Variants in PRSS3 observed in about 807,000 individuals in gnomAD.
The protein encoded by PRSS3 is trypsin-3.
PRSS3 carries 14 observed loss-of-function variants against 20.8 expected under a neutral mutation model. The ratio of observed to expected loss-of-function variants is 0.67; its 90% CI spans 0.44 to 1.05. The LOEUF (loss-of-function observed/expected upper bound fraction) is 1.05. Among genes scored for constraint, PRSS3 ranks in the 50% least tolerant of loss-of-function variants. PRSS3 has a pLI of 0.00. For missense variants in PRSS3, 237 were observed against 306.4 expected, an observed-to-expected ratio of 0.77 and a Z score of 1.69; for synonymous variants, 91 against 117.6, an observed-to-expected ratio of 0.77 and a Z score of 1.46.
At chr9:33,792,342 A>C (rs1177895840), upstream of PRSS3, among the ~76,000 whole-genome samples, 1 of 152,176 alleles carries the variant, frequency 6.6e-6, no homozygotes, top group Non-Finnish European at 1.5e-5. Flanking sequence ...AGTGTTAAAA[A>C]AAAAAGAATT....
chr9:33,779,488 A>C (rs1824082662), intron 1 of PRSS3, among the ~76,000 whole-genome samples: 1 of 152,232 alleles, frequency 6.6e-6, no homozygotes, highest in African/African-American at 2.4e-5. Flanking sequence ...ACAGCAGAAC[A>C]GACCAAGCTG....
At chr9:33,795,202 A>G (rs1824848568), upstream of PRSS3, among the ~76,000 whole-genome samples, 2 of 151,956 alleles carry the variant, frequency 1.3e-5, no homozygotes, top group East Asian at 1.9e-4. Flanking sequence ...TACATCCCCA[A>G]TAGTTAAAAG....
rs1362077807 is a variant in PRSS3 at position 33,771,646 on chromosome 9, T to G, written c.-53+20919T>G. The stretch of plus-strand genomic sequence containing the variant: ...TGGGTTTTGTTTTTTTGTTTTTTTG[T>G]TTTTTTTTTTTTTGAGACAGGGTCT... On this transcript the variant is annotated intron_variant, in intron 1 of 5. Transcript: ENST00000342836. Among the ~76,000 whole-genome samples the G allele has an allele frequency of 1.5e-4, 10 of 68,472 alleles. No homozygotes were observed. In the South Asian group the frequency reaches 1.6e-3, roughly 11 times the overall value. 44.9% of individuals were successfully genotyped at this position (68,472 alleles called of 152,430 possible). A position where few individuals can be genotyped will look rare whatever the true frequency, so the allele number is the denominator to read the frequency against.
At chr9:33,762,549 C>G (rs1823251461) in intron 1 of PRSS3, among the ~76,000 whole-genome samples, 1 of 152,178 alleles carries the variant, frequency 6.6e-6, no homozygotes, top group Non-Finnish European at 1.5e-5. Context: ...AAAGCTGAGT[C>G]AGGTATTCCA....
In PRSS3 at chr9:33,767,739, C is replaced by T. The variant is rs188668599; in HGVS notation, c.-53+17012C>T. Among the ~76,000 whole-genome samples, 32 of 152,112 alleles carry T rather than the reference C, an allele frequency of 2.1e-4. No homozygotes were observed. In the East Asian group the frequency reaches 5.8e-3, roughly 28 times the overall value. Reference sequence around the variant, plus strand: ...ACTCAGGAGGCTGAGGCAGGAGAATCACTTGAACCCAGGAGGCAGAGGTTG... The same window carrying T: ...ACTCAGGAGGCTGAGGCAGGAGAATTACTTGAACCCAGGAGGCAGAGGTTG... On this transcript the variant is annotated intron_variant, in intron 1 of 5. Coordinates refer to the PRSS3 transcript ENST00000342836.
chr9:33,770,354 A>G (rs1178508964), intron 1 of PRSS3, among the ~76,000 whole-genome samples: 1 of 152,178 alleles, frequency 6.6e-6, no homozygotes, highest in South Asian at 2.1e-4. Flanking sequence ...CCATACCTCA[A>G]ATCTCACCCA....
Position 33,760,745 on chromosome 9 carries a change from CAA to C in PRSS3, c.-53+10038_-53+10039del, listed in dbSNP as rs61678518. On this transcript the variant is annotated intron_variant, in intron 1 of 5. Coordinates refer to the PRSS3 transcript ENST00000342836. ...TGGGGGACACAGCAAGACTCTGTCA[CAA>C]AAAAAAAAAAAAAAAAAAATTAGGA... Among the ~76,000 whole-genome samples, 337 of 101,344 alleles carry C rather than the reference CAA, an allele frequency of 3.3e-3. 2 individuals carry two copies. The highest frequency in any genetic ancestry group is 0.011 in the African/African-American group (257 of 24,378). 66.5% of individuals were successfully genotyped at this position (101,344 alleles called of 152,430 possible).
intron 1 of PRSS3, among the ~76,000 whole-genome samples, chr9:33,752,242 T>C (rs116305846): frequency 0.039 from 5,927 of 152,266 alleles, 399 homozygotes; most frequent in African/African-American, 0.14. Context: ...GCGAAGTTAT[T>C]GAATCTCACA....
chr9:33,768,482 A>G (rs1238415316), intron 1 of PRSS3, among the ~76,000 whole-genome samples: 3 of 143,992 alleles, frequency 2.1e-5, no homozygotes, highest in African/African-American at 7.6e-5. Flanking sequence ...GACTCAAAGG[A>G]AAAAAAAAAA....
chr9:33,793,135 A>G (rs370608588), upstream of PRSS3, among the ~76,000 whole-genome samples: 2,129 of 111,038 alleles, frequency 0.019, no homozygotes, highest in African/African-American at 0.03. Context: ...GAGAAGGCTA[A>G]TCTTCAAGCT....
intron 1 of PRSS3, among the ~76,000 whole-genome samples, chr9:33,768,556 T>C (rs953875737): frequency 2.7e-5 from 4 of 150,690 alleles, no homozygotes; most frequent in African/African-American, 7.3e-5. Context: ...AGAACAGAGC[T>C]GTAGAGAAAG....
At position 33,759,414 on chromosome 9, in the gene PRSS3, A is replaced by AG. The variant is rs141241122; in HGVS notation, c.-53+8689dup. On this transcript the variant is annotated intron_variant, in intron 1 of 5. Transcript: ENST00000342836. ...AGAGCCCAAATGAGATCATTGCTGC[A>AG]GGCACAGAAGGGAAAGAGAAAATAC... is the stretch of plus-strand genomic sequence containing the variant. Among the ~76,000 whole-genome samples the AG allele has an allele frequency of 5.8e-3, 885 of 152,294 alleles. 5 individuals are homozygous for AG. Among genetic ancestry groups the AG allele is most frequent in the African/African-American group, 0.02 (838 of 41,558 alleles).
intron 1 of PRSS3, among the ~76,000 whole-genome samples, chr9:33,769,299 C>A (rs1038084275): frequency 2.0e-5 from 3 of 152,158 alleles, no homozygotes; most frequent in African/African-American, 7.2e-5. Context: ...GGAGAAAAGA[C>A]CAAGGGTGTG....
chr9:33,772,839 G>A (rs1033781312), intron 1 of PRSS3, among the ~76,000 whole-genome samples: 18 of 152,118 alleles, frequency 1.2e-4, no homozygotes, highest in Non-Finnish European at 4.4e-5. Context: ...CTCCACCTGT[G>A]GGAGCAACGT....
At chr9:33,786,243 C>T (rs548805623) in intron 1 of PRSS3, 14 of 545,800 alleles carry the variant, frequency 2.6e-5, no homozygotes, top group East Asian at 1.7e-4. Flanking sequence ...GCTCCTTCTC[C>T]GGGGATTAGG....
Position 33,798,559 on chromosome 9 carries a change from TG to T in PRSS3, c.530del (p.Gly177GlufsTer?). 6.2e-7 allele frequency: 1 copy of T among 1,614,138 alleles called. No individual in the cohort carries two copies. The highest frequency in any genetic ancestry group is 2.2e-5 in the East Asian group (1 of 44,874). On this transcript the variant is annotated frameshift_variant, in exon 4 of 5. Transcript: ENST00000379405. LOFTEE classifies it high-confidence loss of function. ...TQAECKASYPGKITNSMFCVG... is the reference protein window; with the variant it reads ...TQAECKASYPXKITNSMFCVG... ...AGGCTGAGTGTAAAGCCTCCTACCC[TG>T]GAAAGATTACCAACAGCATGTTCTG...
chr9:33,773,166 C>A lies in PRSS3; in HGVS notation c.-52-21580C>A, dbSNP rs191735149. ...TCTCCCTTACTCTTGCCTCCATTTT[C>A]TCTTTCTGACTCCTTCTATCTTATC... On this transcript the variant is annotated intron_variant, in intron 1 of 5. Transcript: ENST00000342836. 3.3e-5 allele frequency among the ~76,000 whole-genome samples: 5 copies of A among 152,248 alleles called. No homozygotes were observed. In the East Asian group the frequency reaches 5.8e-4, roughly 18 times the overall value.
chr9:33,797,820 G>C lies in PRSS3; in HGVS notation c.201-9G>C. ...AGAAGGTCTTCACCATGCCTGCCCTGCCCATCAGCCGCATCCAGGTGAGAC... is the reference window on the plus strand; with the variant it reads ...AGAAGGTCTTCACCATGCCTGCCCTCCCCATCAGCCGCATCCAGGTGAGAC... On this transcript the variant is annotated splice_polypyrimidine_tract_variant and intron_variant, in intron 2 of 4. Coordinates refer to ENST00000379405, the MANE Select transcript of PRSS3 (RefSeq NM_002771.4). 1.2e-6 allele frequency: 2 copies of C among 1,614,264 alleles called. No homozygotes were observed. The highest frequency in any genetic ancestry group is 1.7e-6 in the Non-Finnish European group (2 of 1,180,048).
chr9:33,796,807 G>T lies in PRSS3; in HGVS notation c.200+5G>T. The T allele has an allele frequency of 4.0e-6, 6 of 1,517,492 alleles. No individual in the cohort carries two copies. Among genetic ancestry groups the T allele is most frequent in the Non-Finnish European group, 5.4e-6 (6 of 1,111,120 alleles). 94.0% of individuals were successfully genotyped at this position (1,517,492 alleles called of 1,614,324 possible). ...AGCAGCTCACTGCTACAAGACGTAA[G>T]TGTGGGGCCCCTGACTGCAAAGCTC... On this transcript the variant is annotated splice_donor_5th_base_variant and intron_variant, in intron 2 of 4. Transcript: ENST00000379405.
Sources: gnomAD v4.1 joint callset for allele counts (sites outside exome capture counted in the v4.1 genomes callset) on GRCh38, gnomAD v4.1.1 for gene constraint, MANE v1.5 for transcripts, NCBI Gene and HGNC (gene_info 2026-07-23, HGNC 2026-07-21) for gene names.